The following ANKRD27 variants were observed in gnomAD, a reference collection of about 807,000 sequenced individuals.
The protein encoded by ANKRD27 is ankyrin repeat domain 27, also known as ankyrin repeat domain-containing protein 27.
ANKRD27 carries 112 observed loss-of-function variants against 129.7 expected under a neutral mutation model. The ratio of observed to expected loss-of-function variants is 0.86; its 90% CI spans 0.74 to 1.01. ANKRD27 has a LOEUF of 1.01. ANKRD27 is among the 50% of genes least tolerant of loss of function. ANKRD27 has a pLI of 0.00. For synonymous variants in ANKRD27, 516 were observed against 511.2 expected, an observed-to-expected ratio of 1.01 and a Z score of -0.13; for missense variants, 1,258 against 1,300.5, an observed-to-expected ratio of 0.97 and a Z score of 0.50.
intron 2 of ANKRD27, among the ~76,000 whole-genome samples, chr19:32,654,001 CGCG>C (rs1967472428): frequency 6.6e-6 from 1 of 152,020 alleles, no homozygotes; most frequent in Admixed American, 6.6e-5. Flanking sequence ...CCCGGGTTCA[CGCG>C]ATTCTCCTGC....
At chr19:32,609,616 T>C (rs550688648) in intron 22 of ANKRD27, among the ~76,000 whole-genome samples, 1 of 135,878 alleles carries the variant, frequency 7.4e-6, no homozygotes, top group South Asian at 2.5e-4. Flanking sequence ...TCCATGATGA[T>C]GAAAAGCAGG....
chr19:32,615,531 T>C, intron 22 of ANKRD27, 127 bp downstream of exon 22: 1 of 1,484,088 alleles, frequency 6.7e-7, no homozygotes. Flanking sequence ...CTGCAGTGGG[T>C]CATGACTGTA....
At position 32,607,570 on chromosome 19, in the gene ANKRD27, C is replaced by T; in HGVS notation, c.2373+65G>A. Reference sequence around the variant, plus strand: ...CCACCAAACCCCTGCAGCGTTCCTACCAAGCACAAGGTCCTAGCCCAAAGC... The same window carrying T: ...CCACCAAACCCCTGCAGCGTTCCTATCAAGCACAAGGTCCTAGCCCAAAGC... On this transcript the variant is annotated intron_variant, in intron 23 of 28. Transcript: ENST00000306065. 5.8e-6 allele frequency: 9 copies of T among 1,557,506 alleles called. No individual in the cohort carries two copies. In the South Asian group the frequency reaches 7.1e-5, roughly 12 times the overall value.
intron 22 of ANKRD27, 63 bp downstream of exon 22, chr19:32,615,595 A>C (rs1971903769): frequency 6.2e-7 from 1 of 1,613,492 alleles, no homozygotes; most frequent in African/African-American, 1.3e-5. Context: ...AAAAACAAAA[A>C]CAAAAACAAA....
rs1209223503 is a variant in ANKRD27, at chr19:32,600,006, G to A, written c.2812C>T (p.Gln938Ter). The A allele has an allele frequency of 6.2e-7, 1 of 1,613,194 alleles. No homozygotes were observed. Among genetic ancestry groups the A allele is most frequent in the South Asian group, 1.1e-5 (1 of 91,000 alleles). The change falls in exon 27 of 29, where the codon CAG becomes TAG. Residue 938 changes from glutamine to a stop codon, truncating the protein, a stop_gained. Transcript: ENST00000306065. LOFTEE classifies it high-confidence loss of function. ...CCAGCTGAGTGGACAAAGTAAAACT[G>A]TCTTGTAAAAGGCTCATCTGGTAGA... Reference protein sequence around the residue: ...YDLPDEPFTRQFYFVHSAGQF... With the variant: ...YDLPDEPFTR
chr19:32,661,370 G>A (rs1967643472), intron 1 of ANKRD27, among the ~76,000 whole-genome samples: 1 of 152,002 alleles, frequency 6.6e-6, no homozygotes, highest in Non-Finnish European at 1.5e-5. Context: ...TGTCGCCCAG[G>A]CTAGAGCTGG....
chr19:32,604,161 A>C (rs1292569177), intron 25 of ANKRD27, 102 bp downstream of exon 25: 4 of 1,345,564 alleles, frequency 3.0e-6, no homozygotes, highest in South Asian at 1.7e-5. Flanking sequence ...GGCGATGCCA[A>C]GGGCCAGGTG....
intron 17 of ANKRD27, among the ~76,000 whole-genome samples, chr19:32,623,206 A>T (rs1244185850): frequency 6.6e-6 from 1 of 152,204 alleles, no homozygotes; most frequent in Non-Finnish European, 1.5e-5. Flanking sequence ...GAGACTGCTA[A>T]CCACTGAGAG....
chr19:32,656,107 GAAAAGA>G lies in ANKRD27; in HGVS notation c.102+2801_102+2806del, dbSNP rs756955955. ...AGAAAGAAAGAAAGAAAGAAAGAAA[GAAAAGA>G]AAAGAAAAGAAAAGAAAAGAAAAGA... On this transcript the variant is annotated intron_variant, in intron 2 of 28. Coordinates refer to ENST00000306065, the MANE Select transcript of ANKRD27 (RefSeq NM_032139.3). Among the ~76,000 whole-genome samples, 541 of 107,508 alleles carry G rather than the reference GAAAAGA, an allele frequency of 5.0e-3. 3 individuals are homozygous for G. The highest frequency in any genetic ancestry group is 0.037 in the East Asian group (102 of 2,766). The allele number at this position is 107,508 out of a possible 152,430, so 70.5% of individuals were successfully genotyped here.
intron 26 of ANKRD27, among the ~76,000 whole-genome samples, chr19:32,601,104 G>T (rs535529377): frequency 1.8e-4 from 27 of 151,150 alleles, no homozygotes; most frequent in African/African-American, 4.6e-4. Context: ...TTTGAGACCA[G>T]CCTGGCCAAC....
chr19:32,664,766 C>T (rs1967716149), intron 1 of ANKRD27, among the ~76,000 whole-genome samples: 2 of 150,672 alleles, frequency 1.3e-5, no homozygotes, highest in Admixed American at 1.3e-4. Context: ...CGAGAAAAGC[C>T]TGGGCAACCC....
chr19:32,615,203 T>C (rs410616), intron 22 of ANKRD27, among the ~76,000 whole-genome samples: 94,692 of 152,058 alleles, frequency 0.62, 30,064 homozygotes, highest in Non-Finnish European at 0.69. Flanking sequence ...CTAATGAGTC[T>C]CACCATATCT....
intron 4 of ANKRD27, 29 bp downstream of exon 4, chr19:32,646,430 G>T (rs751903559): frequency 1.3e-6 from 2 of 1,585,136 alleles, no homozygotes; most frequent in Non-Finnish European, 1.7e-6. Context: ...TTCTAAAACA[G>T]GAGAAAAAGG....
At chr19:32,605,581 G>A (rs10424732) in intron 24 of ANKRD27, among the ~76,000 whole-genome samples, 28,125 of 152,096 alleles carry the variant, frequency 0.18, 3,413 homozygotes, top group African/African-American at 0.33. Context: ...ATTCCCGGTC[G>A]GTGAGGTGAG....
rs765358784 is a variant in ANKRD27, at chr19:32,644,475, C to T, written c.375G>A (p.Glu125=). ...HPLEKRESSE[E]PLAPSDPFSL... is the part of the protein sequence containing the mutation. ...AAAAGGGATCTGAGGGTGCCAAAGG[C>T]TCTTCTGAAAAAGAAACAAACAGGT... The change falls in exon 5 of 29, where the codon GAG becomes GAA. Residue 125 remains glutamate, a synonymous_variant. Coordinates refer to ENST00000306065, the MANE Select transcript of ANKRD27 (RefSeq NM_032139.3). 6.2e-7 allele frequency: 1 copy of T among 1,612,962 alleles called. No individual in the cohort carries two copies. Among genetic ancestry groups the T allele is most frequent in the African/African-American group, 1.3e-5 (1 of 74,926 alleles).
At chr19:32,645,209 C>T (rs1291244889) in intron 4 of ANKRD27, among the ~76,000 whole-genome samples, 1 of 152,074 alleles carries the variant, frequency 6.6e-6, no homozygotes, top group Non-Finnish European at 1.5e-5. Context: ...GTCAAGGGAT[C>T]AAGACCATCC....
intron 15 of ANKRD27, 148 bp downstream of exon 15, chr19:32,627,935 C>T (rs993153628): frequency 5.6e-6 from 4 of 715,856 alleles, no homozygotes; most frequent in Middle Eastern, 4.1e-4. Context: ...TGCTCCTCTT[C>T]TCCTTCCGGC....
chr19:32,649,598 A>G lies in ANKRD27; in HGVS notation c.213+84T>C, dbSNP rs1039081128. 5 of 937,758 alleles carry G rather than the reference A, an allele frequency of 5.3e-6. No individual in the cohort carries two copies. The Admixed American group carries it at 7.1e-5, about 13-fold the overall frequency. The allele number at this position is 937,758 out of a possible 1,614,324, so 58.1% of individuals were successfully genotyped here. On this transcript the variant is annotated intron_variant, in intron 3 of 28. Transcript: ENST00000306065. ...TGCCACCATTGCCAGTAGCTGTGAA[A>G]GGCTGAGAACGGGACTCTCTTCCTC...
In ANKRD27 at chr19:32,600,010, T is replaced by C. The variant is rs1414224509; in HGVS notation, c.2808A>G (p.Thr936=). The stretch of plus-strand genomic sequence containing the variant: ...CTGAGTGGACAAAGTAAAACTGTCT[T>C]GTAAAAGGCTCATCTGGTAGATCAT... The part of the protein sequence containing the change: ...KLYDLPDEPF[T]RQFYFVHSAG... The change falls in exon 27 of 29, where the codon ACA becomes ACG. Residue 936 remains threonine, a synonymous_variant. Coordinates refer to ENST00000306065, the MANE Select transcript of ANKRD27 (RefSeq NM_032139.3). 2 of 1,613,084 alleles carry C rather than the reference T, an allele frequency of 1.2e-6. No homozygotes were observed. Among genetic ancestry groups the C allele is most frequent in the Admixed American group, 1.7e-5 (1 of 59,938 alleles).
Sources: allele counts gnomAD v4.1 joint callset (sites outside exome capture counted in the v4.1 genomes callset), GRCh38; gene constraint gnomAD v4.1.1; transcripts MANE v1.5; gene names NCBI Gene and HGNC (gene_info 2026-07-23, HGNC 2026-07-21).